Variants in A2M observed in about 807,000 individuals in gnomAD.
A2M encodes C3 and PZP-like alpha-2-macroglobulin domain-containing protein 5.
A2M carries 128 observed loss-of-function variants against 183.9 expected under a neutral mutation model. The ratio of observed to expected loss-of-function variants is 0.70; its 90% CI spans 0.60 to 0.81. The LOEUF is 0.81. Among genes scored for constraint, A2M ranks in the 30% least tolerant of loss-of-function variants. The pLI, the probability that A2M is intolerant of heterozygous loss-of-function variation, is 0.00. For synonymous variants in A2M, 592 were observed against 670.8 expected (o/e 0.88, Z 1.81); for missense variants, 1,495 against 1,787.6 (o/e 0.84, Z 2.95).
At chr12:9,069,618 G>A in intron 33 of A2M, 127 bp downstream of exon 33, 2 of 633,564 alleles carry the variant, frequency 3.2e-6, no homozygotes. Flanking sequence ...TTCTTTTAGA[G>A]TTAACATTAG....
intron 35 of A2M, 91 bp from the exon 36 acceptor site, chr12:9,067,930 C>T: frequency 1.6e-6 from 2 of 1,246,116 alleles, no homozygotes; most frequent in Admixed American, 1.9e-5. Context: ...AGCATAGTGC[C>T]CAAGGAAACC....
rs114147414 is a variant in A2M at position 9,109,419 on chromosome 12, A to G, written c.674-14T>C. The stretch of plus-strand genomic sequence containing the variant: ...ACTTGGGAAGAACTGTTGATTGGTG[A>G]TAAAGAAGGTTGGTGATTGGTTTTC... On this transcript the variant is annotated splice_polypyrimidine_tract_variant and intron_variant, in intron 6 of 35. Transcript: ENST00000318602. 139 of 1,602,788 alleles carry G rather than the reference A, an allele frequency of 8.7e-5. No individual in the cohort carries two copies. The African/African-American group carries it at 1.7e-3, about 19-fold the overall frequency.
chr12:9,074,348 C>T (rs142198691), intron 29 of A2M, among the ~76,000 whole-genome samples: 138 of 152,250 alleles, frequency 9.1e-4, no homozygotes, highest in African/African-American at 3.1e-3. Context: ...GATAATAACA[C>T]AGCGATGGGG....
chr12:9,068,711 A>T (rs1948469452), intron 34 of A2M, 29 bp downstream of exon 34: 1 of 1,511,980 alleles, frequency 6.6e-7, no homozygotes, highest in Non-Finnish European at 9.1e-7. Context: ...GGAATTAAAT[A>T]TTTCTACGTG....
intron 32 of A2M, among the ~76,000 whole-genome samples, chr12:9,070,135 A>G (rs1447445580): frequency 6.6e-6 from 1 of 151,820 alleles, no homozygotes; most frequent in African/African-American, 2.4e-5. Flanking sequence ...TGCTTGCTCT[A>G]TTTTTCTTTT....
rs980367528 is a variant in A2M at position 9,112,625 on chromosome 12, C to T, written c.271-89G>A. 4.9e-6 allele frequency: 7 copies of T among 1,442,966 alleles called. No individual in the cohort carries two copies. The African/African-American group carries it at 9.8e-5, about 20-fold the overall frequency. 89.4% of individuals were successfully genotyped at this position (1,442,966 alleles called of 1,614,324 possible). On this transcript the variant is annotated intron_variant, in intron 2 of 35. Transcript: ENST00000318602. ...GTTGCACTCTTCCCTGGAGATCTTG[C>T]CCTTCTTACTTAACTTCACTCCCTT...
chr12:9,111,794 A>C (rs1340578263), intron 4 of A2M, among the ~76,000 whole-genome samples: 1 of 152,196 alleles, frequency 6.6e-6, no homozygotes, highest in African/African-American at 2.4e-5. Context: ...TTTATAGTGA[A>C]GATTTTGGTA....
In A2M at chr12:9,106,237, T is replaced by C; in HGVS notation, c.1103A>G (p.Gln368Arg). The C allele has an allele frequency of 6.3e-7, 1 of 1,595,542 alleles. No individual in the cohort carries two copies. The highest frequency in any genetic ancestry group is 8.6e-7 in the Non-Finnish European group (1 of 1,163,242). The part of the protein sequence containing the change: ...HFRQGIPFFG[Q>R]VRLVDGKGVP... ...TGAGTGAACTGGAAAATACTCCACCTGCCCAAAGAAGGGAATTCCCTGTCG... is the reference window on the plus strand; with the variant it reads ...TGAGTGAACTGGAAAATACTCCACCCGCCCAAAGAAGGGAATTCCCTGTCG... The change falls in exon 10 of 36, where the codon CAG becomes CGG. Residue 368 changes from glutamine to arginine, a missense_variant and splice_region_variant. Gln to Arg is a conservative substitution (Grantham distance 43, BLOSUM62 1). Coordinates refer to ENST00000318602, the MANE Select transcript of A2M (RefSeq NM_000014.6).
Position 9,109,903 on chromosome 12 carries a change from C to A in A2M, c.637G>T (p.Gly213Ter). ...YKVVVQKKSG[G>*]RTEHPFTVEE... Reference sequence around the variant, plus strand: ...ACGGTGAAAGGGTGCTCTGTCCTTCCACCTGATTTCTTCTGTACCACCACC... The same window carrying A: ...ACGGTGAAAGGGTGCTCTGTCCTTCAACCTGATTTCTTCTGTACCACCACC... The change falls in exon 6 of 36, where the codon GGA becomes TGA. Residue 213 changes from glycine (G) to a stop codon, truncating the protein, a stop_gained. Coordinates refer to ENST00000318602, the MANE Select transcript of A2M (RefSeq NM_000014.6). LOFTEE classifies it high-confidence loss of function. 6.2e-7 allele frequency: 1 copy of A among 1,612,636 alleles called. No individual in the cohort carries two copies. Among genetic ancestry groups the A allele is most frequent in the Non-Finnish European group, 8.5e-7 (1 of 1,179,372 alleles).
At chr12:9,112,241 C>T in intron 3 of A2M, 30 bp from the exon 4 acceptor site, 1 of 1,613,694 alleles carries the variant, frequency 6.2e-7, no homozygotes, top group Non-Finnish European at 8.5e-7. Context: ...CATGAGCCCC[C>T]AAACCCAAAG....
At chr12:9,111,619 A>G (rs1938734396) in intron 4 of A2M, 1 of 434,658 alleles carries the variant, frequency 2.3e-6, no homozygotes. Flanking sequence ...TGGAGCTAGA[A>G]GAGAAGAGTT....
chr12:9,072,109 T>C (rs1053251192), intron 31 of A2M, among the ~76,000 whole-genome samples: 4 of 152,212 alleles, frequency 2.6e-5, no homozygotes, highest in African/African-American at 9.6e-5. Context: ...TCAGAGGCAA[T>C]GGGTAATATT....
At position 9,098,866 on chromosome 12, in the gene A2M, C is replaced by T. The variant is rs61916029; in HGVS notation, c.1702-110G>A. On this transcript the variant is annotated intron_variant, in intron 14 of 35. Coordinates refer to ENST00000318602, the MANE Select transcript of A2M (RefSeq NM_000014.6). ...TACAATGTATAACCACTCTGCTTGA[C>T]TTCGTGGAGGGTTGGCATTGTGTCA... The T allele has an allele frequency of 6.8e-3, 8,453 of 1,247,804 alleles. 54 individuals carry two copies. The highest frequency in any genetic ancestry group is 8.0e-3 in the Non-Finnish European group (7,237 of 902,158). 77.3% of individuals were successfully genotyped at this position (1,247,804 alleles called of 1,614,324 possible). A position where few individuals can be genotyped will look rare whatever the true frequency, so the allele number is the denominator to read the frequency against.
rs1261076959 is a variant in A2M at position 9,079,799 on chromosome 12, A to G, written c.2871T>C (p.Ser957=). The part of the protein sequence containing the change: ...SVSVLGDILG[S]AMQNTQNLLQ... ...GAAGATTTTGTGTGTTTTGCATGGCAGAGCCTAATATGTCTCCTAGAGAAT... is the reference window on the plus strand; with the variant it reads ...GAAGATTTTGTGTGTTTTGCATGGCGGAGCCTAATATGTCTCCTAGAGAAT... Residue 957 remains serine, a synonymous_variant, in exon 24 of 36, where the codon TCT becomes TCC. Transcript: ENST00000318602. 1 of 1,609,604 alleles carries G rather than the reference A, an allele frequency of 6.2e-7. No individual in the cohort carries two copies. The highest frequency in any genetic ancestry group is 8.5e-7 in the Non-Finnish European group (1 of 1,177,996).
At chr12:9,070,631 T>C in intron 31 of A2M, 53 bp from the exon 32 acceptor site, 1 of 1,266,698 alleles carries the variant, frequency 7.9e-7, no homozygotes, top group Non-Finnish European at 1.1e-6. Context: ...TTAAATATTT[T>C]CTTCTTCTAT....
chr12:9,070,688 C>T (rs1948545177), intron 31 of A2M, 110 bp from the exon 32 acceptor site: 2 of 707,616 alleles, frequency 2.8e-6, no homozygotes, highest in Admixed American at 2.9e-5. Context: ...CGTAAGTCTT[C>T]CCAAATATCT....
At position 9,099,497 on chromosome 12, in the gene A2M, G is replaced by C; in HGVS notation, c.1585C>G (p.Pro529Ala). 1.2e-6 allele frequency: 2 copies of C among 1,609,784 alleles called. No individual in the cohort carries two copies. Among genetic ancestry groups the C allele is most frequent in the Non-Finnish European group, 1.7e-6 (2 of 1,178,196 alleles). Residue 529 changes from proline to alanine, a missense_variant, in exon 14 of 36, where the codon CCT (proline) becomes GCT (alanine). Coordinates refer to ENST00000318602, the MANE Select transcript of A2M (RefSeq NM_000014.6). ...DMKGHFSISI[P>A]VKSDIAPVAR... ...ACAGGAGCAATGTCTGACTTCACAG[G>C]GATTGAGATGGAAAAATGGCCCTTC...
chr12:9,098,860 G>A, intron 14 of A2M, 104 bp from the exon 15 acceptor site: 1 of 1,310,172 alleles, frequency 7.6e-7, no homozygotes, highest in South Asian at 1.5e-5. Flanking sequence ...TAACCACTCT[G>A]CTTGACTTCG....
At position 9,109,879 on chromosome 12, in the gene A2M, C is replaced by T. The variant is rs578188069; in HGVS notation, c.661G>A (p.Val221Met). 1.5e-4 allele frequency: 239 copies of T among 1,599,206 alleles called. No homozygotes were observed. The highest frequency in any genetic ancestry group is 1.9e-4 in the Non-Finnish European group (223 of 1,174,794). ...SGGRTEHPFT[V>M]EEFVLPKFEV... Reference sequence around the variant, plus strand: ...TCATGATCCATACCAAATTCCTCCACGGTGAAAGGGTGCTCTGTCCTTCCA... The same window carrying T: ...TCATGATCCATACCAAATTCCTCCATGGTGAAAGGGTGCTCTGTCCTTCCA... The change falls in exon 6 of 36, where the codon GTG (valine) becomes ATG (methionine). Residue 221 changes from valine to methionine, a missense_variant. Transcript: ENST00000318602.
Sources: allele counts gnomAD v4.1 joint callset (sites outside exome capture counted in the v4.1 genomes callset), GRCh38; gene constraint gnomAD v4.1.1; transcripts MANE v1.5; gene names NCBI Gene and HGNC (gene_info 2026-07-23, HGNC 2026-07-21).